CCNL2: variants seen among roughly 807,000 people sequenced by gnomAD.
CCNL2 encodes cyclin-L2.
CCNL2 carries 28 observed loss-of-function variants against 59.1 expected under a neutral mutation model. The observed-to-expected ratio is 0.47, with a 90% CI of 0.35 to 0.65. CCNL2 has a LOEUF of 0.65. CCNL2 is among the 30% of genes least tolerant of loss of function. CCNL2 has a pLI of 0.00. For synonymous variants in CCNL2, 342 were observed against 288.6 expected, an observed-to-expected ratio of 1.19 and a Z score of -1.88; for missense variants, 714 against 717.4, an observed-to-expected ratio of 1.00 and a Z score of 0.05.
intron 3 of CCNL2, among the ~76,000 whole-genome samples, chr1:1,397,006 C>T (rs1434143715): frequency 3.3e-5 from 5 of 152,210 alleles, no homozygotes; most frequent in African/African-American, 7.2e-5. Flanking sequence ...CTCGGCCTCC[C>T]AAAGTGCTGG....
intron 4 of CCNL2, among the ~76,000 whole-genome samples, chr1:1,394,552 C>A (rs1239525475): frequency 6.6e-6 from 1 of 151,546 alleles, no homozygotes; most frequent in African/African-American, 2.4e-5. Flanking sequence ...GAGTTTGAGA[C>A]CAGCCCGGCC....
At chr1:1,391,781 A>C in intron 5 of CCNL2, 2 of 338,956 alleles carry the variant, frequency 5.9e-6, no homozygotes, top group South Asian at 4.7e-5. Context: ...TTAGATCTCT[A>C]AGATTTAATA....
chr1:1,398,351 G>C lies in CCNL2; in HGVS notation c.364-9C>G, dbSNP rs1645164892. On this transcript the variant is annotated splice_polypyrimidine_tract_variant and intron_variant, in intron 2 of 10. Transcript: ENST00000400809. ...CAGGCCATTGACACATGCTGAAGCG[G>C]AAGCATTGCAACACGCCCATGTTTG... 6.2e-7 allele frequency: 1 copy of C among 1,614,062 alleles called. No individual in the cohort carries two copies. Among genetic ancestry groups the C allele is most frequent in the Non-Finnish European group, 8.5e-7 (1 of 1,179,998 alleles).
At chr1:1,396,569 CTGTTT>C (rs1645035983) in intron 3 of CCNL2, among the ~76,000 whole-genome samples, 3 of 114,280 alleles carry the variant, frequency 2.6e-5, no homozygotes, top group Admixed American at 1.9e-4. Context: ...CTCGGCAAGG[CTGTTT>C]TTTTTTTTTT....
intron 4 of CCNL2, 91 bp downstream of exon 4, chr1:1,395,303 T>G: frequency 6.8e-7 from 1 of 1,475,376 alleles, no homozygotes; most frequent in South Asian, 1.2e-5. Context: ...TCAGTCCTCT[T>G]CAGAGCCTTC....
chr1:1,393,937 A>G (rs929416860), intron 4 of CCNL2, among the ~76,000 whole-genome samples: 2 of 151,824 alleles, frequency 1.3e-5, no homozygotes, highest in African/African-American at 4.8e-5. Context: ...GAACAGCCTG[A>G]CCAATATGGA....
chr1:1,387,163 G>A lies in CCNL2; in HGVS notation c.*68C>T, dbSNP rs1644493153. The A allele has an allele frequency of 7.5e-7, 1 of 1,333,274 alleles. No individual in the cohort carries two copies. The highest frequency in any genetic ancestry group is 1.3e-5 in the South Asian group (1 of 77,690). 82.6% of individuals were successfully genotyped at this position (1,333,274 alleles called of 1,614,324 possible). A position where few individuals can be genotyped will look rare whatever the true frequency, so the allele number is the denominator to read the frequency against. The stretch of plus-strand genomic sequence containing the variant: ...CGGGGGTCAAAGGGCAGCCACCGGG[G>A]GTCAAAGGGCAGCCATCAGGTACTC... On this transcript the variant is annotated 3_prime_UTR_variant, in exon 11 of 11. Transcript: ENST00000400809.
chr1:1,394,895 A>G (rs778164822), intron 4 of CCNL2, among the ~76,000 whole-genome samples: 25 of 152,234 alleles, frequency 1.6e-4, no homozygotes, highest in Non-Finnish European at 2.8e-4. Flanking sequence ...CGTCTCTACT[A>G]AAAATACAAA....
intron 8 of CCNL2, among the ~76,000 whole-genome samples, chr1:1,389,927 C>T (rs1322498867): frequency 4.6e-5 from 7 of 152,110 alleles, no homozygotes; most frequent in Non-Finnish European, 7.4e-5. Context: ...CCACTGCACT[C>T]CAGCCTGGGC....
chr1:1,397,161 C>T (rs572684240), intron 3 of CCNL2, among the ~76,000 whole-genome samples: 1 of 152,214 alleles, frequency 6.6e-6, no homozygotes, highest in Admixed American at 6.5e-5. Flanking sequence ...GGATTACAGG[C>T]CAGCCCGGCC....
chr1:1,390,723 A>G, intron 6 of CCNL2, 43 bp downstream of exon 6: 3 of 1,588,942 alleles, frequency 1.9e-6, no homozygotes, highest in Non-Finnish European at 2.6e-6. Context: ...GCTGGAGAAA[A>G]AAAAATCAGA....
chr1:1,399,283 A>G lies in CCNL2; in HGVS notation c.24T>C (p.Ala8=). MAAAAAA[A]GAAGSAAPAA... Reference sequence around the variant, plus strand: ...CGGGAGCTGCCGACCCTGCAGCACCAGCCGCCGCCGCCGCCGCCGCCATTT... The same window carrying G: ...CGGGAGCTGCCGACCCTGCAGCACCGGCCGCCGCCGCCGCCGCCGCCATTT... Residue 8 remains alanine (A), a synonymous_variant, in exon 1 of 11, where the codon GCT becomes GCC. Transcript: ENST00000400809. 4 of 1,470,890 alleles carry G rather than the reference A, an allele frequency of 2.7e-6. No homozygotes were observed. The highest frequency in any genetic ancestry group is 5.4e-5 in the East Asian group (2 of 36,726). 91.1% of individuals were successfully genotyped at this position (1,470,890 alleles called of 1,614,324 possible). A position where few individuals can be genotyped will look rare whatever the true frequency, so the allele number is the denominator to read the frequency against.
Position 1,387,797 on chromosome 1 carries a change from T to C in CCNL2, c.1191A>G (p.Arg397=). 2 of 1,612,732 alleles carry C rather than the reference T, an allele frequency of 1.2e-6. No individual in the cohort carries two copies. Among genetic ancestry groups the C allele is most frequent in the Non-Finnish European group, 1.7e-6 (2 of 1,179,608 alleles). Residue 397 remains arginine, a synonymous_variant, in exon 10 of 11, where the codon CGA becomes CGG. Coordinates refer to ENST00000400809, the MANE Select transcript of CCNL2 (RefSeq NM_030937.6). ...CACACCTCCTCTTAGGAGACGCTGA[T>C]CGGGATGGGGACCTCGAGTAGCTCT... ...REQSYSRSPS[R]SASPKRRKSD...
In CCNL2 at chr1:1,387,589, G is replaced by C; in HGVS notation, c.1212-7C>G. The C allele has an allele frequency of 4.7e-6, 7 of 1,478,886 alleles. No individual in the cohort carries two copies. The highest frequency in any genetic ancestry group is 6.3e-6 in the Non-Finnish European group (7 of 1,112,946). 91.6% of individuals were successfully genotyped at this position (1,478,886 alleles called of 1,614,324 possible). A position where few individuals can be genotyped will look rare whatever the true frequency, so the allele number is the denominator to read the frequency against. ...GGAGCCGCTGTCACTTTTCCTGGGA[G>C]GAAGAACAGCACCACCACACGTGTG... is the stretch of plus-strand genomic sequence containing the variant. On this transcript the variant is annotated splice_polypyrimidine_tract_variant and splice_region_variant and intron_variant, in intron 10 of 10. Coordinates refer to ENST00000400809, the MANE Select transcript of CCNL2 (RefSeq NM_030937.6).
At chr1:1,393,634 C>G (rs960479411) in intron 4 of CCNL2, among the ~76,000 whole-genome samples, 174 bp from the exon 5 acceptor site, 9 of 152,364 alleles carry the variant, frequency 5.9e-5, no homozygotes, top group African/African-American at 2.2e-4. Context: ...CACCTGCTGT[C>G]TGCCTTGGCA....
At chr1:1,396,741 G>A (rs999687926) in intron 3 of CCNL2, among the ~76,000 whole-genome samples, 4 of 150,022 alleles carry the variant, frequency 2.7e-5, no homozygotes, top group East Asian at 2.0e-4. Flanking sequence ...AACCACACCC[G>A]GCTAATTTTT....
intron 5 of CCNL2, chr1:1,392,911 C>T (rs773132694): frequency 3.6e-6 from 4 of 1,125,836 alleles, no homozygotes; most frequent in Non-Finnish European, 5.2e-6. Context: ...ACAGACTTAA[C>T]TCCATGGGAA....
chr1:1,398,413 T>C, intron 2 of CCNL2, 71 bp from the exon 3 acceptor site: 6 of 1,609,006 alleles, frequency 3.7e-6, no homozygotes, highest in Non-Finnish European at 5.1e-6. Flanking sequence ...GCCAAAGGCT[T>C]GAGGGCTATT....
Position 1,390,820 on chromosome 1 carries a change from G to A in CCNL2, c.705C>T (p.Phe235=), listed in dbSNP as rs140920390. 5.6e-6 allele frequency: 9 copies of A among 1,614,060 alleles called. No individual in the cohort carries two copies. In the African/African-American group the frequency reaches 1.1e-4, roughly 19 times the overall value. Reference sequence around the variant, plus strand: ...AGGCACAGGCGATGCTCTCTGGCTGGAACCGCACGAAGACGTCGGTGCGAA... The same window carrying A: ...AGGCACAGGCGATGCTCTCTGGCTGAAACCGCACGAAGACGTCGGTGCGAA... ...DSLRTDVFVR[F]QPESIACACI... The change falls in exon 6 of 11, where the codon TTC becomes TTT. Residue 235 remains phenylalanine (F), a synonymous_variant. Transcript: ENST00000400809.
Sources: allele counts gnomAD v4.1 joint callset (sites outside exome capture counted in the v4.1 genomes callset), GRCh38; gene constraint gnomAD v4.1.1; transcripts MANE v1.5; gene names NCBI Gene and HGNC (gene_info 2026-07-23, HGNC 2026-07-21).